CMIP: variants seen among roughly 807,000 people sequenced by gnomAD.
The protein encoded by CMIP is C-Maf-inducing protein.
Under a neutral mutation model 97.3 loss-of-function variants are expected in CMIP, and 13 were observed. The observed-to-expected ratio is 0.13, with a 90% CI of 0.09 to 0.21. The LOEUF (loss-of-function observed/expected upper bound fraction) is 0.21. Ranked by LOEUF, CMIP falls within the 10% of genes least tolerant of loss-of-function variation. The pLI, the probability that CMIP is intolerant of heterozygous loss-of-function variation, is 1.00. For synonymous variants in CMIP, 538 were observed against 436.3 expected, an observed-to-expected ratio of 1.23 and a Z score of -2.91; for missense variants, 847 against 1,024.9, an observed-to-expected ratio of 0.83 and a Z score of 2.37.
At chr16:81,676,260 C>T (rs1362315300) in intron 9 of CMIP, among the ~76,000 whole-genome samples, 1 of 152,138 alleles carries the variant, frequency 6.6e-6, no homozygotes, top group Non-Finnish European at 1.5e-5. Flanking sequence ...TGGATATCAC[C>T]CAGAGAAGCA....
chr16:81,591,423 G>A (rs1479179330), intron 1 of CMIP, among the ~76,000 whole-genome samples: 1 of 152,222 alleles, frequency 6.6e-6, no homozygotes, highest in African/African-American at 2.4e-5. Flanking sequence ...TCCCGGGCTT[G>A]TGAGAACCCA....
intron 1 of CMIP, among the ~76,000 whole-genome samples, chr16:81,495,124 C>T (rs533879623): frequency 2.6e-5 from 4 of 152,278 alleles, no homozygotes; most frequent in East Asian, 1.9e-4. Flanking sequence ...ATATGCTGTC[C>T]GTGGCATAGG....
rs952683541 is a variant in CMIP at position 81,498,346 on chromosome 16, G to C, written c.300+52805G>C. 2.6e-5 allele frequency among the ~76,000 whole-genome samples: 4 copies of C among 152,322 alleles called. No homozygotes were observed. In the South Asian group the frequency reaches 8.3e-4, roughly 32 times the overall value. ...CCTTCCTTTCCAGCTTCCTGAGGAC[G>C]GTCCAGTGCCGGGGGCTGGGCACAG... On this transcript the variant is annotated intron_variant, in intron 1 of 20. Transcript: ENST00000537098.
intron 1 of CMIP, among the ~76,000 whole-genome samples, chr16:81,502,936 C>G (rs2089639468): frequency 6.6e-6 from 1 of 152,228 alleles, no homozygotes; most frequent in African/African-American, 2.4e-5. Flanking sequence ...GTCTTTGCTG[C>G]TGCATCCATC....
chr16:81,564,133 G>A (rs1174256645), intron 1 of CMIP, among the ~76,000 whole-genome samples: 1 of 152,264 alleles, frequency 6.6e-6, no homozygotes, highest in Non-Finnish European at 1.5e-5. Flanking sequence ...TGACATCACA[G>A]TGGAGCCCAG....
intron 9 of CMIP, among the ~76,000 whole-genome samples, chr16:81,678,059 C>G (rs1387308551): frequency 6.6e-6 from 1 of 152,228 alleles, no homozygotes; most frequent in African/African-American, 2.4e-5. Context: ...GACAGGCAAC[C>G]TGGGTTGGGC....
chr16:81,592,817 T>C (rs2091486360), intron 1 of CMIP, among the ~76,000 whole-genome samples: 1 of 152,192 alleles, frequency 6.6e-6, no homozygotes. Flanking sequence ...TGGAGGCTGC[T>C]TTGGTGAGGA....
intron 7 of CMIP, chr16:81,666,337 G>T (rs1247759605): frequency 2.6e-5 from 4 of 152,120 alleles, no homozygotes; most frequent in Admixed American, 2.0e-4. Context: ...GCCTCTTCAG[G>T]CACATAAACA....
intron 9 of CMIP, among the ~76,000 whole-genome samples, chr16:81,672,830 G>T (rs1005262780): frequency 7.2e-5 from 11 of 152,186 alleles, no homozygotes; most frequent in Non-Finnish European, 1.6e-4. Flanking sequence ...TTCCCATTTG[G>T]ACCTCCCAGA....
chr16:81,545,282 C>A (rs896779584), intron 1 of CMIP, among the ~76,000 whole-genome samples: 1 of 152,196 alleles, frequency 6.6e-6, no homozygotes, highest in Non-Finnish European at 1.5e-5. Context: ...TGCTGCGCTT[C>A]TAGAGAAGTC....
At chr16:81,590,741 C>T (rs1199169027) in intron 1 of CMIP, among the ~76,000 whole-genome samples, 2 of 152,274 alleles carry the variant, frequency 1.3e-5, no homozygotes, top group South Asian at 2.1e-4. Flanking sequence ...CAAACTAAAC[C>T]TCTCACCTAC....
At chr16:81,491,377 C>T (rs2089403343) in intron 1 of CMIP, among the ~76,000 whole-genome samples, 1 of 152,148 alleles carries the variant, frequency 6.6e-6, no homozygotes, top group Non-Finnish European at 1.5e-5. Flanking sequence ...TTGGTAAAAA[C>T]GGGGTTAGTA....
intron 1 of CMIP, among the ~76,000 whole-genome samples, chr16:81,552,874 A>G (rs2090686900): frequency 6.6e-6 from 1 of 152,074 alleles, no homozygotes; most frequent in Non-Finnish European, 1.5e-5. Context: ...GACAGAGTGC[A>G]CAAGAGGAAT....
chr16:81,486,753 T>C (rs1172477373), intron 1 of CMIP, among the ~76,000 whole-genome samples: 1 of 152,254 alleles, frequency 6.6e-6, no homozygotes, highest in Non-Finnish European at 1.5e-5. Flanking sequence ...TGGCCGGCAC[T>C]GTTGCAGATG....
chr16:81,636,433 T>C (rs1057091462), intron 3 of CMIP, among the ~76,000 whole-genome samples: 2 of 151,746 alleles, frequency 1.3e-5, no homozygotes, highest in Admixed American at 1.3e-4. Context: ...TAATACAAAT[T>C]AGCTAGGCGT....
intron 9 of CMIP, 75 bp downstream of exon 9, chr16:81,672,145 C>T: frequency 1.2e-6 from 1 of 839,886 alleles, no homozygotes; most frequent in Non-Finnish European, 2.0e-6. Flanking sequence ...GCAAAGTCAC[C>T]AAGAACTGAC....
chr16:81,662,273 G>C (rs1369421196), intron 6 of CMIP, among the ~76,000 whole-genome samples: 1 of 152,212 alleles, frequency 6.6e-6, no homozygotes, highest in African/African-American at 2.4e-5. Flanking sequence ...TCTGGTTCTA[G>C]AACACTGGAT....
At chr16:81,628,785 G>A (rs2092109828) in intron 3 of CMIP, among the ~76,000 whole-genome samples, 1 of 152,126 alleles carries the variant, frequency 6.6e-6, no homozygotes, top group African/African-American at 2.4e-5. Context: ...TGTTGCTGGT[G>A]CCTGAGGCTT....
intron 1 of CMIP, among the ~76,000 whole-genome samples, chr16:81,452,530 A>G (rs989040150): frequency 6.6e-6 from 1 of 152,126 alleles, no homozygotes; most frequent in African/African-American, 2.4e-5. Flanking sequence ...GATCGTGGAG[A>G]AAAGCAAGCA....
Sources: allele counts gnomAD v4.1 joint callset (sites outside exome capture counted in the v4.1 genomes callset), GRCh38; gene constraint gnomAD v4.1.1; transcripts MANE v1.5; gene names NCBI Gene and HGNC (gene_info 2026-07-23, HGNC 2026-07-21).